Variants in GPC5 observed in about 807,000 individuals in gnomAD.
The protein encoded by GPC5 is glypican 5.
A neutral mutation model predicts 53.9 loss-of-function variants in GPC5; 47 were observed. The observed-to-expected ratio is 0.87, with a 90% CI of 0.69 to 1.11. GPC5 has a LOEUF of 1.11. GPC5 is among the 50% of genes most tolerant of loss of function. The pLI is 0.00. For synonymous variants in GPC5, 286 were observed against 263.3 expected (o/e 1.09, Z -0.84); for missense variants, 748 against 713.1 (o/e 1.05, Z -0.56).
chr13:92,389,636 T>G (rs1325888768), intron 7 of GPC5, among the ~76,000 whole-genome samples: 1 of 151,452 alleles, frequency 6.6e-6, no homozygotes, highest in Non-Finnish European at 1.5e-5. Flanking sequence ...ACATTCAGAG[T>G]TCCACACTGC....
chr13:91,999,196 A>C (rs925966794), intron 6 of GPC5, among the ~76,000 whole-genome samples: 2 of 111,638 alleles, frequency 1.8e-5, no homozygotes, highest in Non-Finnish European at 1.8e-5. Flanking sequence ...CCTTAAGTGC[A>C]TCAAAATAAC....
At chr13:91,779,228 T>C (rs959360701) in intron 5 of GPC5, among the ~76,000 whole-genome samples, 3 of 152,248 alleles carry the variant, frequency 2.0e-5, no homozygotes, top group Non-Finnish European at 4.4e-5. Context: ...CTTTTTTACC[T>C]TATACACTTT....
intron 7 of GPC5, among the ~76,000 whole-genome samples, chr13:92,195,956 T>C (rs1157933325): frequency 6.6e-6 from 1 of 152,154 alleles, no homozygotes; most frequent in African/African-American, 2.4e-5. Context: ...AGTGTAGCAC[T>C]TTTAACAAGG....
In GPC5 at chr13:92,777,768, G is replaced by A. The variant is rs538982370; in HGVS notation, c.1562-88514G>A. Among the ~76,000 whole-genome samples, 3 of 152,302 alleles carry A rather than the reference G, an allele frequency of 2.0e-5. No homozygotes were observed. The East Asian group carries it at 5.8e-4, about 29-fold the overall frequency. ...TTTCTGCCTCCTCTGTCTCTCCAGA[G>A]CACAGTGGAGACACAGTTTCTCATA... On this transcript the variant is annotated intron_variant, in intron 7 of 7. Transcript: ENST00000377067.
chr13:92,493,262 AT>A (rs1311815620), intron 7 of GPC5, among the ~76,000 whole-genome samples: 1 of 152,016 alleles, frequency 6.6e-6, no homozygotes, highest in Non-Finnish European at 1.5e-5. Flanking sequence ...AATATTGTAC[AT>A]TAATTTATAT....
At chr13:91,778,599 C>T (rs1014539366) in intron 5 of GPC5, among the ~76,000 whole-genome samples, 4 of 152,196 alleles carry the variant, frequency 2.6e-5, no homozygotes, top group Admixed American at 2.0e-4. Context: ...TCTCAGGTGG[C>T]TCCCTGTGTC....
chr13:92,088,021 A>G (rs539279766), intron 6 of GPC5, among the ~76,000 whole-genome samples: 109 of 151,734 alleles, frequency 7.2e-4, no homozygotes, highest in African/African-American at 2.5e-3. Flanking sequence ...CCTCCCATCT[A>G]GGCCTCCCAA....
chr13:92,289,193 A>G (rs560287819), intron 7 of GPC5, among the ~76,000 whole-genome samples: 4 of 152,268 alleles, frequency 2.6e-5, no homozygotes, highest in Non-Finnish European at 5.9e-5. Context: ...AAGACTGGTA[A>G]TTACATTGGA....
At chr13:92,416,371 G>A (rs755343962) in intron 7 of GPC5, among the ~76,000 whole-genome samples, 4 of 152,162 alleles carry the variant, frequency 2.6e-5, no homozygotes, top group Non-Finnish European at 5.9e-5. Flanking sequence ...TTAGAATGAG[G>A]TCAGAACTCT....
intron 7 of GPC5, among the ~76,000 whole-genome samples, chr13:92,382,947 G>A (rs1281830381): frequency 1.3e-5 from 2 of 148,834 alleles, no homozygotes; most frequent in South Asian, 2.1e-4. Flanking sequence ...AGCTTGCAGT[G>A]AGCCGAGATC....
At position 92,658,223 on chromosome 13, in the gene GPC5, T is replaced by C. The variant is rs1454547944; in HGVS notation, c.1562-208059T>C. Among the ~76,000 whole-genome samples the C allele has an allele frequency of 3.3e-5, 5 of 152,182 alleles. No homozygotes were observed. In the South Asian group the frequency reaches 8.3e-4, roughly 25 times the overall value. On this transcript the variant is annotated intron_variant, in intron 7 of 7. Transcript: ENST00000377067. ...TCCACCATCATACATGAGATATGTA[T>C]TTTATCTGTTGTTGAAATTGACAGA...
chr13:92,126,754 T>C (rs1240788105), intron 6 of GPC5, among the ~76,000 whole-genome samples: 1 of 152,078 alleles, frequency 6.6e-6, no homozygotes, highest in African/African-American at 2.4e-5. Flanking sequence ...CATTAAAACA[T>C]GTAGGGTGTT....
At chr13:91,697,401 A>C in intron 3 of GPC5, among the ~76,000 whole-genome samples, 1 of 152,164 alleles carries the variant, frequency 6.6e-6, no homozygotes, top group East Asian at 1.9e-4. Context: ...TTGGCCTCCC[A>C]AAGTGCTGGG....
chr13:92,244,739 G>A (rs1464781751), intron 7 of GPC5, among the ~76,000 whole-genome samples: 1 of 151,996 alleles, frequency 6.6e-6, no homozygotes, highest in East Asian at 1.9e-4. Context: ...AAACAAAAGA[G>A]TTAAAATTGC....
At chr13:91,782,024 TTTAG>T (rs2037806151) in intron 5 of GPC5, among the ~76,000 whole-genome samples, 1 of 152,344 alleles carries the variant, frequency 6.6e-6, no homozygotes, top group South Asian at 2.1e-4. Flanking sequence ...GATAATATAT[TTTAG>T]TTAAACAATT....
chr13:92,061,329 C>G (rs2041121379), intron 6 of GPC5, among the ~76,000 whole-genome samples: 2 of 151,940 alleles, frequency 1.3e-5, no homozygotes, highest in Non-Finnish European at 2.9e-5. Context: ...AATGCCAAGT[C>G]AAATCAGGTG....
chr13:92,796,515 C>T (rs1876690133), intron 7 of GPC5, among the ~76,000 whole-genome samples: 2 of 151,632 alleles, frequency 1.3e-5, no homozygotes. Context: ...ATTTAAAAAG[C>T]AGGGGAGCTG....
chr13:92,481,691 T>C (rs1280111246), intron 7 of GPC5, among the ~76,000 whole-genome samples: 2 of 152,040 alleles, frequency 1.3e-5, no homozygotes, highest in Non-Finnish European at 2.9e-5. Flanking sequence ...GGAGCTGAGA[T>C]GGGGGATCAT....
At chr13:92,565,196 A>C (rs1882825707) in intron 7 of GPC5, among the ~76,000 whole-genome samples, 1 of 152,252 alleles carries the variant, frequency 6.6e-6, no homozygotes, top group South Asian at 2.1e-4. Flanking sequence ...AAAGGAAAAT[A>C]GATTTTGAAG....
Sources: allele counts gnomAD v4.1 joint callset (sites outside exome capture counted in the v4.1 genomes callset), GRCh38; gene constraint gnomAD v4.1.1; transcripts MANE v1.5; gene names NCBI Gene and HGNC (gene_info 2026-07-23, HGNC 2026-07-21).